The following RAP1B variants were observed in gnomAD, a reference collection of about 807,000 sequenced individuals.
The protein encoded by RAP1B is RAP1B, member of RAS oncogene family.
In RAP1B, 1 loss-of-function variant was observed where a neutral mutation model predicts 27.5. The observed-to-expected ratio is 0.04, with a 90% CI of 0.01 to 0.17. The LOEUF (loss-of-function observed/expected upper bound fraction) is 0.17. Among genes scored for constraint, RAP1B ranks in the 10% least tolerant of loss-of-function variants. RAP1B has a pLI of 1.00. For missense variants in RAP1B, 84 were observed against 214.8 expected, an observed-to-expected ratio of 0.39 and a Z score of 3.81; for synonymous variants, 75 against 73.1, an observed-to-expected ratio of 1.03 and a Z score of -0.13.
intron 1 of RAP1B, among the ~76,000 whole-genome samples, chr12:68,612,184 C>T (rs1870651819): frequency 6.6e-6 from 1 of 152,200 alleles, no homozygotes; most frequent in East Asian, 1.9e-4. Flanking sequence ...TTTGGTTTTG[C>T]AGGCAGCATC....
At chr12:68,621,804 G>A (rs1871404644) in intron 1 of RAP1B, among the ~76,000 whole-genome samples, 2 of 152,192 alleles carry the variant, frequency 1.3e-5, no homozygotes, top group Admixed American at 1.3e-4. Flanking sequence ...CATTATATTT[G>A]AGTTAGAGAT....
intron 1 of RAP1B, among the ~76,000 whole-genome samples, chr12:68,623,933 A>AT (rs1160368804): frequency 2.6e-5 from 4 of 152,150 alleles, no homozygotes; most frequent in African/African-American, 9.7e-5. Context: ...AGGCGGGAGA[A>AT]TCGCTTGAAC....
intron 1 of RAP1B, among the ~76,000 whole-genome samples, chr12:68,642,061 C>T (rs900254150): frequency 1.3e-5 from 2 of 152,052 alleles, no homozygotes; most frequent in African/African-American, 2.4e-5. Context: ...TTCTGTTTAA[C>T]GCGTTGAGTA....
At chr12:68,625,323 G>A (rs951136069) in intron 1 of RAP1B, among the ~76,000 whole-genome samples, 1 of 152,162 alleles carries the variant, frequency 6.6e-6, no homozygotes, top group Admixed American at 6.5e-5. Context: ...ATAAAAGGAA[G>A]AACTGTTAAA....
rs1196459322 is a variant in RAP1B, at chr12:68,671,023, C to T, written c.*11774C>T. On this transcript the variant is annotated 3_prime_UTR_variant, in exon 8 of 8. Coordinates refer to ENST00000250559, the MANE Select transcript of RAP1B (RefSeq NM_001010942.3). ...AGCCTGGGCAACAAGAGTGATACTC[C>T]GTTTAAAAAAAAAAAAAAAAAAAAA... 1 of 141,688 alleles carries T rather than the reference C, an allele frequency of 7.1e-6. No homozygotes were observed. The highest frequency in any genetic ancestry group is 7.1e-5 in the Admixed American group (1 of 14,020). 8.8% of individuals were successfully genotyped at this position (141,688 alleles called of 1,614,324 possible).
At position 68,665,502 on chromosome 12, in the gene RAP1B, G is replaced by C. The variant is rs1331670783; in HGVS notation, c.*6253G>C. The stretch of plus-strand genomic sequence containing the variant: ...CCTGGCCTAAACAGTCTTGGGATGG[G>C]GAGAAGGGTTGGAGTACAAAGGATT... On this transcript the variant is annotated 3_prime_UTR_variant, in exon 8 of 8. Coordinates refer to ENST00000250559, the MANE Select transcript of RAP1B (RefSeq NM_001010942.3). The C allele has an allele frequency of 6.6e-6, 1 of 152,220 alleles. No individual in the cohort carries two copies. The highest frequency in any genetic ancestry group is 2.4e-5 in the African/African-American group (1 of 41,456). The allele number at this position is 152,220 out of a possible 1,614,324, so 9.4% of individuals were successfully genotyped here. A position where few individuals can be genotyped will look rare whatever the true frequency, so the allele number is the denominator to read the frequency against.
At chr12:68,657,272 C>T (rs1037065923) in intron 7 of RAP1B, 55 bp downstream of exon 7, 1 of 1,128,858 alleles carries the variant, frequency 8.9e-7, no homozygotes, top group Non-Finnish European at 1.3e-6. Flanking sequence ...ATTAAGGGCA[C>T]TCTGTCATGA....
At chr12:68,618,820 C>G (rs1319934422) in intron 1 of RAP1B, among the ~76,000 whole-genome samples, 1 of 152,178 alleles carries the variant, frequency 6.6e-6, no homozygotes, top group Non-Finnish European at 1.5e-5. Flanking sequence ...TTGTACACAT[C>G]TTTAATATAC....
intron 1 of RAP1B, among the ~76,000 whole-genome samples, chr12:68,644,762 C>T (rs1291414386): frequency 2.2e-5 from 3 of 139,478 alleles, no homozygotes; most frequent in Non-Finnish European, 3.0e-5. Context: ...GATCTGGGCT[C>T]ACTGCAACCT....
intron 1 of RAP1B, among the ~76,000 whole-genome samples, chr12:68,646,569 T>A (rs974803120): frequency 1.3e-5 from 2 of 152,206 alleles, no homozygotes; most frequent in Non-Finnish European, 2.9e-5. Context: ...ATTACAGGTG[T>A]GGGCCACTGC....
intron 1 of RAP1B, among the ~76,000 whole-genome samples, chr12:68,638,148 C>A (rs1208475007): frequency 2.0e-5 from 3 of 152,178 alleles, no homozygotes; most frequent in African/African-American, 7.2e-5. Flanking sequence ...ACTTGGCTCA[C>A]TAGTCCACAT....
At chr12:68,648,663 T>C (rs1367303318) in intron 1 of RAP1B, 36 bp from the exon 2 acceptor site, 3 of 1,471,464 alleles carry the variant, frequency 2.0e-6, no homozygotes, top group South Asian at 1.2e-5. Flanking sequence ...TACACAACTT[T>C]ACTTAGAATT....
At chr12:68,635,521 T>A (rs886431021) in intron 1 of RAP1B, among the ~76,000 whole-genome samples, 1 of 152,138 alleles carries the variant, frequency 6.6e-6, no homozygotes, top group Admixed American at 6.5e-5. Flanking sequence ...AGTGGTGCGA[T>A]CTCGGCTCAC....
chr12:68,650,263 T>C (rs1873717848), intron 2 of RAP1B, 137 bp from the exon 3 acceptor site: 1 of 727,140 alleles, frequency 1.4e-6, no homozygotes, highest in Admixed American at 4.3e-5. Context: ...AATGTACACA[T>C]TCGAATGTAG....
At chr12:68,616,408 C>T (rs1213366507) in intron 1 of RAP1B, among the ~76,000 whole-genome samples, 1 of 151,114 alleles carries the variant, frequency 6.6e-6, no homozygotes, top group African/African-American at 2.4e-5. Flanking sequence ...TCTAAGCCTC[C>T]CGAGTAGCTG....
At chr12:68,631,460 T>C (rs1872232795) in intron 1 of RAP1B, among the ~76,000 whole-genome samples, 1 of 152,236 alleles carries the variant, frequency 6.6e-6, no homozygotes, top group Non-Finnish European at 1.5e-5. Flanking sequence ...CATGTTTATC[T>C]TCAAAATGTC....
chr12:68,641,755 A>G (rs1873021450), intron 1 of RAP1B, among the ~76,000 whole-genome samples: 1 of 152,132 alleles, frequency 6.6e-6, no homozygotes, highest in Non-Finnish European at 1.5e-5. Flanking sequence ...TGCATTTGAA[A>G]AAATCGATGC....
intron 1 of RAP1B, among the ~76,000 whole-genome samples, chr12:68,644,005 G>C (rs1873216363): frequency 1.3e-5 from 2 of 151,846 alleles, no homozygotes; most frequent in Non-Finnish European, 2.9e-5. Flanking sequence ...TACTCTTGAG[G>C]TAATGTAATA....
chr12:68,647,382 T>TCCCCCCCCCCCCCCC (rs1565670496), intron 1 of RAP1B, among the ~76,000 whole-genome samples: 1 of 1,932 alleles, frequency 5.2e-4, no homozygotes, highest in Non-Finnish European at 9.3e-4. Context: ...CCCACTCCAC[T>TCCCCCCCCCCCCCCC]CCCCGCCCCC....
Sources: gnomAD v4.1 joint callset for allele counts (sites outside exome capture counted in the v4.1 genomes callset) on GRCh38, gnomAD v4.1.1 for gene constraint, MANE v1.5 for transcripts, NCBI Gene and HGNC (gene_info 2026-07-23, HGNC 2026-07-21) for gene names.